The following OSR2 variants were observed in gnomAD, a reference collection of about 807,000 sequenced individuals.
OSR2 encodes the protein odd-skipped related transciption factor 2, also known as protein odd-skipped-related 2.
OSR2 carries 8 observed loss-of-function variants against 22.3 expected under a neutral mutation model. The ratio of observed to expected loss-of-function variants is 0.36; its 90% CI spans 0.21 to 0.65. The LOEUF (loss-of-function observed/expected upper bound fraction) is 0.65. OSR2 is among the 30% of genes least tolerant of loss of function. OSR2 has a pLI of 0.66. For missense variants in OSR2, 311 were observed against 413.4 expected, an observed-to-expected ratio of 0.75 and a Z score of 2.15; for synonymous variants, 179 against 173.8, an observed-to-expected ratio of 1.03 and a Z score of -0.23.
chr8:98,945,183 G>C (rs1840569875), intron 1 of OSR2, among the ~76,000 whole-genome samples: 1 of 152,228 alleles, frequency 6.6e-6, no homozygotes, highest in Non-Finnish European at 1.5e-5. Context: ...ACTTGTCCCG[G>C]GGCAGCCGCG....
chr8:98,947,097 G>A (rs1840631248), intron 1 of OSR2, among the ~76,000 whole-genome samples: 2 of 151,856 alleles, frequency 1.3e-5, no homozygotes, highest in African/African-American at 4.8e-5. Context: ...TTTGTGGTGG[G>A]AAAGTTGATT....
chr8:98,948,386 C>G lies in OSR2; in HGVS notation c.-114-453C>G. 2.0e-6 allele frequency: 3 copies of G among 1,467,144 alleles called. No individual in the cohort carries two copies. Among genetic ancestry groups the G allele is most frequent in the Non-Finnish European group, 1.8e-6 (2 of 1,112,036 alleles). The allele number at this position is 1,467,144 out of a possible 1,614,324, so 90.9% of individuals were successfully genotyped here. On this transcript the variant is annotated intron_variant, in intron 1 of 3. Transcript: ENST00000297565. This position sits in a 1 kb window ranked among gnomAD's most constrained non-coding sequence, Gnocchi z 6.0. ...TCTCACGACCCATCCGTTAACCCAC[C>G]GTTCCCAGGAGCTCCGAGGCGCAGC...
At chr8:98,951,404 T>C in intron 3 of OSR2, 115 bp from the exon 4 acceptor site, 2 of 1,005,234 alleles carry the variant, frequency 2.0e-6, no homozygotes, top group African/African-American at 3.3e-5. Flanking sequence ...TCTCCTCTTT[T>C]GTTGTCATGA....
chr8:98,948,870 T>C lies in OSR2; in HGVS notation c.-83T>C, dbSNP rs755892676. 65 of 1,610,462 alleles carry C rather than the reference T, an allele frequency of 4.0e-5. No homozygotes were observed. In the African/African-American group the frequency reaches 7.9e-4, roughly 20 times the overall value. On this transcript the variant is annotated 5_prime_UTR_variant, in exon 2 of 4. Transcript: ENST00000297565. The surrounding 1 kb of genome is among the most constrained non-coding windows in gnomAD (Gnocchi z 6.0). The stretch of plus-strand genomic sequence containing the variant: ...CTCTACGTGCTGTTGTCTCACTGGG[T>C]TTTTGTCGGAGCCCCACGCCCTCCG...
At chr8:98,950,861 G>A (rs1462970577) in intron 3 of OSR2, 106 bp downstream of exon 3, 1 of 750,730 alleles carries the variant, frequency 1.3e-6, no homozygotes, top group Admixed American at 2.0e-5. Context: ...GCTCTATTTA[G>A]ATTAGTTCTC....
chr8:98,949,342 G>A lies in OSR2; in HGVS notation c.390G>A (p.Pro130=). The change falls in exon 2 of 4, where the codon CCG becomes CCA. Residue 130 remains proline (P), a synonymous_variant. Transcript: ENST00000297565. This position sits in a 1 kb window ranked among gnomAD's most constrained non-coding sequence, Gnocchi z 5.9. ...CGGTGGCTGCCACGCAAGAGGATCC[G>A]CCTAAGATGGGAGACCTGAGCAAGC... ...NLAVAATQED[P]PKMGDLSKLS... The A allele has an allele frequency of 1.2e-6, 2 of 1,612,990 alleles. No homozygotes were observed. Among genetic ancestry groups the A allele is most frequent in the Non-Finnish European group, 1.7e-6 (2 of 1,179,324 alleles).
At chr8:98,950,168 A>C (rs1252239504) in intron 2 of OSR2, among the ~76,000 whole-genome samples, 12 of 152,164 alleles carry the variant, frequency 7.9e-5, no homozygotes, top group Non-Finnish European at 1.8e-4. Flanking sequence ...GCATTCAATA[A>C]TGTAAGTGTT....
chr8:98,950,376 A>G lies in OSR2; in HGVS notation c.657-280A>G, dbSNP rs566324494. 7.2e-5 allele frequency among the ~76,000 whole-genome samples: 11 copies of G among 152,258 alleles called. No individual in the cohort carries two copies. In the East Asian group the frequency reaches 1.7e-3, roughly 24 times the overall value. The stretch of plus-strand genomic sequence containing the variant: ...GCCAATTTAAATCCCAGAGAAAACC[A>G]TGGAGGCCAAGAAAGGCCCGTTCAG... On this transcript the variant is annotated intron_variant, in intron 2 of 3. Coordinates refer to ENST00000297565, the MANE Select transcript of OSR2 (RefSeq NM_001142462.3).
At position 98,948,355 on chromosome 8, in the gene OSR2, G is replaced by T. The variant is rs962673248; in HGVS notation, c.-114-484G>T. On this transcript the variant is annotated intron_variant, in intron 1 of 3. Coordinates refer to ENST00000297565, the MANE Select transcript of OSR2 (RefSeq NM_001142462.3). The surrounding 1 kb of genome is among the most constrained non-coding windows in gnomAD (Gnocchi z 6.0). ...ACAGGGCGCGGCGGCAGCGCAGCGC[G>T]TGGGATCTCACGACCCATCCGTTAA... 1 of 1,519,008 alleles carries T rather than the reference G, an allele frequency of 6.6e-7. No individual in the cohort carries two copies. The highest frequency in any genetic ancestry group is 2.5e-5 in the East Asian group (1 of 40,208). The allele number at this position is 1,519,008 out of a possible 1,614,324, so 94.1% of individuals were successfully genotyped here.
Position 98,948,383 on chromosome 8 carries a change from C to T in OSR2, c.-114-456C>T. Reference sequence around the variant, plus strand: ...GGATCTCACGACCCATCCGTTAACCCACCGTTCCCAGGAGCTCCGAGGCGC... The same window carrying T: ...GGATCTCACGACCCATCCGTTAACCTACCGTTCCCAGGAGCTCCGAGGCGC... On this transcript the variant is annotated intron_variant, in intron 1 of 3. Coordinates refer to ENST00000297565, the MANE Select transcript of OSR2 (RefSeq NM_001142462.3). This position sits in a 1 kb window ranked among gnomAD's most constrained non-coding sequence, Gnocchi z 6.0. 4.7e-6 allele frequency: 7 copies of T among 1,480,618 alleles called. No homozygotes were observed. The highest frequency in any genetic ancestry group is 6.3e-6 in the Non-Finnish European group (7 of 1,117,812). 91.7% of individuals were successfully genotyped at this position (1,480,618 alleles called of 1,614,324 possible).
chr8:98,948,367 GACCCATCCGTTA>G lies in OSR2; in HGVS notation c.-114-466_-114-455del. ...GGCAGCGCAGCGCGTGGGATCTCAC[GACCCATCCGTTA>G]ACCCACCGTTCCCAGGAGCTCCGAG... is the stretch of plus-strand genomic sequence containing the variant. On this transcript the variant is annotated intron_variant, in intron 1 of 3. Coordinates refer to ENST00000297565, the MANE Select transcript of OSR2 (RefSeq NM_001142462.3). This position sits in a 1 kb window ranked among gnomAD's most constrained non-coding sequence, Gnocchi z 6.0. The G allele has an allele frequency of 8.0e-6, 12 of 1,506,504 alleles. No individual in the cohort carries two copies. Among genetic ancestry groups the G allele is most frequent in the Non-Finnish European group, 1.1e-5 (12 of 1,130,726 alleles). The allele number at this position is 1,506,504 out of a possible 1,614,324, so 93.3% of individuals were successfully genotyped here. A position where few individuals can be genotyped will look rare whatever the true frequency, so the allele number is the denominator to read the frequency against.
chr8:98,947,855 C>CTCTCCCCTCTCT (rs1840655438), intron 1 of OSR2, among the ~76,000 whole-genome samples: 1 of 152,164 alleles, frequency 6.6e-6, no homozygotes, highest in African/African-American at 2.4e-5. Flanking sequence ...CTCCTCTCTC[C>CTCTCCCCTCTCT]TCTCCCCTCT....
intron 1 of OSR2, among the ~76,000 whole-genome samples, chr8:98,947,170 C>G (rs1332958890): frequency 1.3e-5 from 2 of 151,382 alleles, no homozygotes; most frequent in Non-Finnish European, 2.9e-5. Flanking sequence ...TGTTACCCAC[C>G]TCTCATTAAC....
At position 98,948,981 on chromosome 8, in the gene OSR2, TCCCGCTCCA is replaced by T; in HGVS notation, c.34_42del (p.Leu12_Pro14del). 1 of 1,613,932 alleles carries T rather than the reference TCCCGCTCCA, an allele frequency of 6.2e-7. No individual in the cohort carries two copies. Among genetic ancestry groups the T allele is most frequent in the Non-Finnish European group, 8.5e-7 (1 of 1,179,878 alleles). ...GGGAGCAAGGCTCTGCCAGCGCCCA[TCCCGCTCCA>T]CCCGTCGCTGCAGCTCACCAATTAC... is the stretch of plus-strand genomic sequence containing the variant. On this transcript the variant is annotated inframe_deletion, in exon 2 of 4. Transcript: ENST00000297565. The surrounding 1 kb of genome is among the most constrained non-coding windows in gnomAD (Gnocchi z 6.0).
chr8:98,951,382 T>C (rs1587893505), intron 3 of OSR2, 137 bp from the exon 4 acceptor site: 6 of 823,120 alleles, frequency 7.3e-6, no homozygotes, highest in Middle Eastern at 3.6e-4. Context: ...AGCACGGATT[T>C]GTTCCTGCAA....
intron 2 of OSR2, 47 bp from the exon 3 acceptor site, chr8:98,950,609 C>A: frequency 8.0e-7 from 1 of 1,253,916 alleles, no homozygotes; most frequent in East Asian, 2.4e-5. Context: ...AGTAACTCTT[C>A]ACCATGGGGC....
chr8:98,951,932 T>C lies in OSR2; in HGVS notation c.*231T>C. The C allele has an allele frequency of 4.2e-6, 2 of 479,714 alleles. No individual in the cohort carries two copies. Among genetic ancestry groups the C allele is most frequent in the Non-Finnish European group, 3.7e-6 (1 of 268,584 alleles). The allele number at this position is 479,714 out of a possible 1,614,324, so 29.7% of individuals were successfully genotyped here. ...AGAGTATATGCTAGTTTCTTGTAGA[T>C]ATTCACAGCTCATTTTAGAGCTCTG... On this transcript the variant is annotated 3_prime_UTR_variant, in exon 4 of 4. Transcript: ENST00000297565.
rs367700153 is a variant in OSR2 at position 98,948,925 on chromosome 8, C to A, written c.-28C>A. On this transcript the variant is annotated 5_prime_UTR_variant, in exon 2 of 4. Coordinates refer to ENST00000297565, the MANE Select transcript of OSR2 (RefSeq NM_001142462.3). This position sits in a 1 kb window ranked among gnomAD's most constrained non-coding sequence, Gnocchi z 6.0. ...CTGATTCCTGGAAGAAAGGGTTGGT[C>A]CCCTCAGCACCCCCAGCATCCCGGA... 2.5e-6 allele frequency: 4 copies of A among 1,613,758 alleles called. No individual in the cohort carries two copies. Among genetic ancestry groups the A allele is most frequent in the Admixed American group, 1.7e-5 (1 of 60,032 alleles).
chr8:98,947,841 C>A (rs527794336), intron 1 of OSR2, among the ~76,000 whole-genome samples: 1 of 152,266 alleles, frequency 6.6e-6, no homozygotes, highest in Non-Finnish European at 1.5e-5. Flanking sequence ...CTCCCCGGAG[C>A]GCTCTCCTCT....
Sources: gnomAD v4.1 joint callset for allele counts (sites outside exome capture counted in the v4.1 genomes callset) on GRCh38, gnomAD v4.1.1 for gene constraint, Gnocchi (gnomAD v3.1) non-coding constraint, MANE v1.5 for transcripts, NCBI Gene and HGNC (gene_info 2026-07-23, HGNC 2026-07-21) for gene names.